ATF6: variants seen among roughly 807,000 people sequenced by gnomAD.
The protein encoded by ATF6 is cyclic AMP-dependent transcription factor ATF-6 alpha.
A neutral mutation model predicts 83.6 loss-of-function variants in ATF6; 53 were observed. The ratio of observed to expected loss-of-function variants is 0.63; its 90% confidence interval spans 0.51 to 0.80. The LOEUF is 0.80. Among genes scored for constraint, ATF6 ranks in the 30% least tolerant of loss-of-function variants. The probability of loss-of-function intolerance (pLI) is 0.00; values close to 1 mark genes in which losing one functional copy is unlikely to be tolerated. For missense variants in ATF6, 744 were observed against 797.9 expected (o/e 0.93, Z 0.81); for synonymous variants, 288 against 285.8 (o/e 1.01, Z -0.08).
chr1:161,854,804 G>A (rs557249278), intron 12 of ATF6, among the ~76,000 whole-genome samples: 2 of 151,960 alleles, frequency 1.3e-5, no homozygotes, highest in African/African-American at 2.4e-5. Flanking sequence ...CTTGGGAGAC[G>A]GAGCTTGGAG....
At chr1:161,912,184 A>G (rs1207487548) in intron 14 of ATF6, 112 bp from the exon 15 acceptor site, 2 of 578,782 alleles carry the variant, frequency 3.5e-6, no homozygotes, top group Admixed American at 3.9e-5. Flanking sequence ...AATAAAAACT[A>G]TAATTTTTCA....
At chr1:161,807,157 G>C (rs748685740) in intron 7 of ATF6, among the ~76,000 whole-genome samples, 8 of 152,122 alleles carry the variant, frequency 5.3e-5, no homozygotes, top group Non-Finnish European at 1.2e-4. Flanking sequence ...TACCCAATAA[G>C]ACGTGTAGGA....
chr1:161,881,992 A>G (rs1008907051), intron 14 of ATF6, among the ~76,000 whole-genome samples: 6 of 152,118 alleles, frequency 3.9e-5, no homozygotes, highest in African/African-American at 1.4e-4. Context: ...GTGTGTGTGG[A>G]TATCCAGTAT....
chr1:161,945,821 C>T (rs1688736076), intron 15 of ATF6, among the ~76,000 whole-genome samples: 1 of 152,164 alleles, frequency 6.6e-6, no homozygotes, highest in African/African-American at 2.4e-5. Context: ...CTCAATGAAT[C>T]ACAAATAATT....
At chr1:161,894,060 G>C (rs1017861174) in intron 14 of ATF6, among the ~76,000 whole-genome samples, 1 of 151,920 alleles carries the variant, frequency 6.6e-6, no homozygotes, top group African/African-American at 2.4e-5. Flanking sequence ...TAATCTCTTT[G>C]TGATTTTCCC....
At chr1:161,875,957 G>A (rs146768189) in intron 14 of ATF6, among the ~76,000 whole-genome samples, 32 of 152,058 alleles carry the variant, frequency 2.1e-4, no homozygotes, top group African/African-American at 7.2e-4. Flanking sequence ...GTATGTGCAT[G>A]TATATGAACA....
chr1:161,769,250 G>T (rs976887264), intron 1 of ATF6, among the ~76,000 whole-genome samples: 1 of 152,148 alleles, frequency 6.6e-6, no homozygotes, highest in Non-Finnish European at 1.5e-5. Flanking sequence ...TAAATAATAA[G>T]CCTACTTTTT....
chr1:161,769,754 G>C (rs564109242), intron 1 of ATF6, among the ~76,000 whole-genome samples: 1 of 152,102 alleles, frequency 6.6e-6, no homozygotes, highest in South Asian at 2.1e-4. Context: ...CTCATAAGGA[G>C]CGTGCACTCT....
chr1:161,932,751 T>C (rs1688458583), intron 15 of ATF6, among the ~76,000 whole-genome samples: 1 of 152,230 alleles, frequency 6.6e-6, no homozygotes, highest in African/African-American at 2.4e-5. Flanking sequence ...TCTAGGTCTC[T>C]CATGAGGTTT....
intron 14 of ATF6, among the ~76,000 whole-genome samples, chr1:161,895,435 A>G (rs921999337): frequency 6.6e-6 from 1 of 152,252 alleles, no homozygotes; most frequent in Non-Finnish European, 1.5e-5. Flanking sequence ...CTACTTTTAT[A>G]GAGGATAAAC....
intron 14 of ATF6, among the ~76,000 whole-genome samples, chr1:161,882,610 G>A (rs563476044): frequency 9.9e-5 from 15 of 152,056 alleles, no homozygotes; most frequent in African/African-American, 3.6e-4. Context: ...GTATTGTGCA[G>A]TCTTATTCAG....
At position 161,958,986 on chromosome 1, in the gene ATF6, C is replaced by T. The variant is rs541604091; in HGVS notation, c.*332C>T. 1.0e-5 allele frequency: 2 copies of T among 195,254 alleles called. No homozygotes were observed. The highest frequency in any genetic ancestry group is 3.3e-4 in the South Asian group (2 of 6,080). The allele number at this position is 195,254 out of a possible 1,614,324, so 12.1% of individuals were successfully genotyped here. A position where few individuals can be genotyped will look rare whatever the true frequency, so the allele number is the denominator to read the frequency against. On this transcript the variant is annotated 3_prime_UTR_variant, in exon 16 of 16. Transcript: ENST00000367942. Reference sequence around the variant, plus strand: ...GATGGTTTTGTGTTTAAACAGTCATCTTCTTTTAAATAATATCCACCTCTC... The same window carrying T: ...GATGGTTTTGTGTTTAAACAGTCATTTTCTTTTAAATAATATCCACCTCTC...
intron 6 of ATF6, among the ~76,000 whole-genome samples, chr1:161,797,050 G>A (rs1375696165): frequency 2.0e-5 from 3 of 151,210 alleles, no homozygotes; most frequent in Non-Finnish European, 2.9e-5. Context: ...ATTTTTATTT[G>A]CGTATTTGGC....
intron 15 of ATF6, among the ~76,000 whole-genome samples, chr1:161,954,522 C>G (rs1244836755): frequency 6.6e-6 from 1 of 152,168 alleles, no homozygotes; most frequent in African/African-American, 2.4e-5. Flanking sequence ...TAATATTAAA[C>G]TTCATGTAAA....
chr1:161,790,453 G>A (rs1288512415), intron 4 of ATF6, among the ~76,000 whole-genome samples: 3 of 152,010 alleles, frequency 2.0e-5, no homozygotes, highest in African/African-American at 7.3e-5. Flanking sequence ...AAGACTTTGG[G>A]AAAATGCGAA....
At chr1:161,883,644 C>T (rs529048611) in intron 14 of ATF6, among the ~76,000 whole-genome samples, 1 of 152,072 alleles carries the variant, frequency 6.6e-6, no homozygotes, top group African/African-American at 2.4e-5. Flanking sequence ...ATTATTTTCA[C>T]TTGTAGCATA....
intron 5 of ATF6, 148 bp from the exon 6 acceptor site, chr1:161,791,976 A>G: frequency 1.4e-6 from 1 of 732,500 alleles, no homozygotes; most frequent in East Asian, 2.5e-5. Context: ...ATTCAGGTAT[A>G]TGTACTGTAG....
intron 7 of ATF6, among the ~76,000 whole-genome samples, chr1:161,804,845 A>G (rs966751571): frequency 6.6e-6 from 1 of 152,076 alleles, no homozygotes; most frequent in Non-Finnish European, 1.5e-5. Flanking sequence ...GGTGTGAAAG[A>G]CTGTGTCTGT....
chr1:161,860,231 T>G lies in ATF6; in HGVS notation c.1558T>G (p.Ser520Ala). The change falls in exon 13 of 16, where the codon TCT (serine) becomes GCT (alanine). Residue 520 changes from serine (S) to alanine (A), a missense_variant. Ser to Ala is a moderately conservative substitution (Grantham distance 99). Coordinates refer to ENST00000367942, the MANE Select transcript of ATF6 (RefSeq NM_007348.4). ...GGGTGCTCTGGAACAGGGCTCAAATTCTCAGCTGATGGCTGTTCAATACAC... is the reference window on the plus strand; with the variant it reads ...GGGTGCTCTGGAACAGGGCTCAAATGCTCAGCTGATGGCTGTTCAATACAC... ...LQGALEQGSN[S>A]QLMAVQYTET... 1.3e-6 allele frequency: 2 copies of G among 1,594,860 alleles called. No individual in the cohort carries two copies. Among genetic ancestry groups the G allele is most frequent in the Non-Finnish European group, 1.7e-6 (2 of 1,169,042 alleles).
Sources: allele counts gnomAD v4.1 joint callset (sites outside exome capture counted in the v4.1 genomes callset), GRCh38; gene constraint gnomAD v4.1.1; transcripts MANE v1.5; gene names NCBI Gene and HGNC (gene_info 2026-07-23, HGNC 2026-07-21).